FLYWCH1: variants seen among roughly 807,000 people sequenced by gnomAD.
The protein encoded by FLYWCH1 is FLYWCH-type zinc finger 1.
Under a neutral mutation model 66.4 loss-of-function variants are expected in FLYWCH1, and 75 were observed. The observed-to-expected ratio is 1.13, with a 90% confidence interval of 0.94 to 1.37. The LOEUF is 1.37. Among genes scored for constraint, FLYWCH1 ranks in the 40% most tolerant of loss-of-function variants. The pLI is 0.00. For missense variants in FLYWCH1, 1,334 were observed against 1,001.8 expected, an observed-to-expected ratio of 1.33 and a Z score of -4.48; for synonymous variants, 595 against 429.9, an observed-to-expected ratio of 1.38 and a Z score of -4.75.
Position 2,948,831 on chromosome 16 carries a change from CA to C in FLYWCH1, c.*105del. 1 of 1,034,932 alleles carries C rather than the reference CA, an allele frequency of 9.7e-7. No individual in the cohort carries two copies. The highest frequency in any genetic ancestry group is 1.5e-6 in the Non-Finnish European group (1 of 667,160). 64.1% of individuals were successfully genotyped at this position (1,034,932 alleles called of 1,614,324 possible). ...GTTTGGCTTAGCAGAAACTTCTTTT[CA>C]TTCTTCCAAAGCATCGATGGTCTTC... is the stretch of plus-strand genomic sequence containing the variant. On this transcript the variant is annotated 3_prime_UTR_variant, in exon 10 of 10. Transcript: ENST00000253928.
rs779452970 is a variant in FLYWCH1, at chr16:2,938,175, C to T, written c.1778-9C>T. ...GTGGCCCCACTCACAGTGTCACTTT[C>T]CCTTTCAGATCCTCTCCGGCCCCTG... On this transcript the variant is annotated splice_polypyrimidine_tract_variant and intron_variant, in intron 7 of 9. Coordinates refer to ENST00000253928, the MANE Select transcript of FLYWCH1 (RefSeq NM_001308068.2). 2.3e-5 allele frequency: 37 copies of T among 1,610,122 alleles called. No individual in the cohort carries two copies. Among genetic ancestry groups the T allele is most frequent in the Non-Finnish European group, 3.0e-5 (35 of 1,178,836 alleles).
At position 2,933,243 on chromosome 16, in the gene FLYWCH1, T is replaced by G. The variant is rs199520906; in HGVS notation, c.910T>G (p.Cys304Gly). Reference protein sequence around the residue: ...KAVGDKVYWTCRDHALHGCRS... With the variant: ...KAVGDKVYWTGRDHALHGCRS... ...TGTCGGGGACAAGGTGTATTGGACC[T>G]GCCGGGACCACGCGCTGCACGGCTG... Residue 304 changes from cysteine (C) to glycine (G), a missense_variant, in exon 5 of 10, where the codon TGC (cysteine) becomes GGC (glycine). Transcript: ENST00000253928. The G allele has an allele frequency of 1.1e-4, 172 of 1,613,514 alleles. No individual in the cohort carries two copies. The highest frequency in any genetic ancestry group is 6.8e-4 in the Admixed American group (41 of 59,994).
intron 2 of FLYWCH1, among the ~76,000 whole-genome samples, chr16:2,915,814 AAGAG>A (rs1555480772): frequency 4.7e-5 from 7 of 149,604 alleles, no homozygotes; most frequent in East Asian, 1.9e-4. Context: ...AAAAAAAAAA[AAGAG>A]AGAATCCAAA....
At chr16:2,932,958 G>C (rs1049577706) in intron 4 of FLYWCH1, among the ~76,000 whole-genome samples, 172 bp from the exon 5 acceptor site, 4 of 152,018 alleles carry the variant, frequency 2.6e-5, no homozygotes, top group Non-Finnish European at 5.9e-5. Flanking sequence ...CTTGGTGGTA[G>C]GGGTTCAGTG....
At chr16:2,934,504 T>G (rs2070915109) in intron 6 of FLYWCH1, 1 of 385,664 alleles carries the variant, frequency 2.6e-6, no homozygotes, top group African/African-American at 2.1e-5. Context: ...CCGCAGTGCC[T>G]GGTGTTTTGA....
Position 2,950,379 on chromosome 16 carries a change from G to C in FLYWCH1, c.*1652G>C, listed in dbSNP as rs1419422292. 3.3e-5 allele frequency: 5 copies of C among 152,394 alleles called. No homozygotes were observed. The highest frequency in any genetic ancestry group is 5.9e-5 in the Non-Finnish European group (4 of 68,142). 9.4% of individuals were successfully genotyped at this position (152,394 alleles called of 1,614,324 possible). A position where few individuals can be genotyped will look rare whatever the true frequency, so the allele number is the denominator to read the frequency against. On this transcript the variant is annotated 3_prime_UTR_variant, in exon 10 of 10. Transcript: ENST00000253928. ...GGTCCAAATGTGTACGCCCACAGGAGGCAGCCATGCCCGAGGAAGGTACTT... is the reference window on the plus strand; with the variant it reads ...GGTCCAAATGTGTACGCCCACAGGACGCAGCCATGCCCGAGGAAGGTACTT...
At chr16:2,915,171 T>A (rs1323518190) in intron 2 of FLYWCH1, 2 of 151,952 alleles carry the variant, frequency 1.3e-5, no homozygotes, top group African/African-American at 4.8e-5. Flanking sequence ...ACAGTCTCAT[T>A]TTGTTGCCTA....
At chr16:2,942,704 G>A (rs765702690) in intron 9 of FLYWCH1, among the ~76,000 whole-genome samples, 32 of 124,498 alleles carry the variant, frequency 2.6e-4, no homozygotes, top group Non-Finnish European at 4.3e-4. Context: ...GTTCACCCTT[G>A]GCTGGCATCT....
At chr16:2,916,351 A>T (rs2070166826) in intron 2 of FLYWCH1, among the ~76,000 whole-genome samples, 1 of 151,506 alleles carries the variant, frequency 6.6e-6, no homozygotes, top group South Asian at 2.1e-4. Context: ...AAACAAAAAT[A>T]CAGGCCGGGT....
At chr16:2,941,033 A>C (rs1567350471) in intron 9 of FLYWCH1, among the ~76,000 whole-genome samples, 1 of 152,236 alleles carries the variant, frequency 6.6e-6, no homozygotes, top group Non-Finnish European at 1.5e-5. Context: ...CGGGAGGCAG[A>C]GGTTGCAGTG....
At chr16:2,929,577 C>T (rs2070687946) in intron 2 of FLYWCH1, 36 bp from the exon 3 acceptor site, 2 of 1,378,950 alleles carry the variant, frequency 1.5e-6, no homozygotes, top group Admixed American at 2.4e-5. Context: ...CCCCCAAGGG[C>T]TTCCACCACT....
At chr16:2,945,874 G>A (rs111319252) in intron 9 of FLYWCH1, among the ~76,000 whole-genome samples, 4 of 151,956 alleles carry the variant, frequency 2.6e-5, no homozygotes, top group African/African-American at 4.8e-5. Flanking sequence ...GCAGGTGCCT[G>A]TAGTCCCAGT....
chr16:2,939,651 GAGCCATGCACTGCAGTCC>G (rs2071178136), intron 8 of FLYWCH1: 1 of 198,704 alleles, frequency 5.0e-6, no homozygotes, highest in African/African-American at 2.4e-5. Context: ...AGGCTGCAGT[GAGCCATGCACTGCAGTCC>G]AGCCTGGGTG....
chr16:2,927,076 C>T (rs934165970), intron 2 of FLYWCH1, among the ~76,000 whole-genome samples: 1 of 152,214 alleles, frequency 6.6e-6, no homozygotes, highest in South Asian at 2.1e-4. Flanking sequence ...TGGCTGCCTC[C>T]AGAGGTCCAA....
chr16:2,924,575 C>T (rs2070489803), intron 2 of FLYWCH1, among the ~76,000 whole-genome samples: 1 of 152,216 alleles, frequency 6.6e-6, no homozygotes, highest in Non-Finnish European at 1.5e-5. Flanking sequence ...GCCTCTCCTA[C>T]AGCTGCCTTC....
At chr16:2,946,261 A>G (rs2071481661) in intron 9 of FLYWCH1, among the ~76,000 whole-genome samples, 1 of 149,990 alleles carries the variant, frequency 6.7e-6, no homozygotes, top group African/African-American at 2.5e-5. Flanking sequence ...ACCCACAGCA[A>G]CTTCCCACCC....
At chr16:2,914,444 C>T (rs1313127477) in intron 2 of FLYWCH1, among the ~76,000 whole-genome samples, 155 bp downstream of exon 2, 3 of 152,218 alleles carry the variant, frequency 2.0e-5, no homozygotes, top group African/African-American at 4.8e-5. Context: ...CCAGCAGGAC[C>T]GCAGCGTCCC....
intron 2 of FLYWCH1, among the ~76,000 whole-genome samples, chr16:2,926,933 T>C (rs1310899909): frequency 6.6e-6 from 1 of 152,068 alleles, no homozygotes; most frequent in Non-Finnish European, 1.5e-5. Context: ...CCCAAGAGAA[T>C]ATCAAATAGA....
chr16:2,914,072 C>G (rs2070084542), intron 1 of FLYWCH1, 104 bp from the exon 2 acceptor site: 1 of 152,244 alleles, frequency 6.6e-6, no homozygotes, highest in Non-Finnish European at 1.5e-5. Flanking sequence ...CTCAGGACCC[C>G]TACTGCACCT....
Sources: gnomAD v4.1 joint callset for allele counts (sites outside exome capture counted in the v4.1 genomes callset) on GRCh38, gnomAD v4.1.1 for gene constraint, MANE v1.5 for transcripts, NCBI Gene and HGNC (gene_info 2026-07-23, HGNC 2026-07-21) for gene names.